The following KDM2B variants were observed in gnomAD, a reference collection of about 807,000 sequenced individuals.
The protein encoded by KDM2B is lysine-specific demethylase 2B.
In KDM2B, 26 loss-of-function variants were observed where a neutral mutation model predicts 150.0. The observed-to-expected ratio is 0.17, with a 90% CI of 0.13 to 0.24. The LOEUF (loss-of-function observed/expected upper bound fraction) is 0.24. KDM2B is among the 10% of genes least tolerant of loss of function. The pLI is 1.00. For missense variants in KDM2B, 1,265 were observed against 1,816.9 expected, an observed-to-expected ratio of 0.70 and a Z score of 5.52; for synonymous variants, 734 against 729.5, an observed-to-expected ratio of 1.01 and a Z score of -0.10.
chr12:121,443,438 AG>A (rs1875543627), intron 17 of KDM2B: 2 of 588,258 alleles, frequency 3.4e-6, no homozygotes, highest in Non-Finnish European at 6.0e-6. Context: ...TGGGTGGAGC[AG>A]GGCCACCAGG....
At chr12:121,534,678 G>T (rs1397542352) in intron 6 of KDM2B, 88 bp from the exon 7 acceptor site, 38 of 920,638 alleles carry the variant, frequency 4.1e-5, no homozygotes, top group Admixed American at 1.6e-4. Context: ...CTGAACTGGT[G>T]CCCTTTTATA....
chr12:121,494,522 C>T (rs1883703156), intron 12 of KDM2B, 57 bp downstream of exon 12: 6 of 1,391,668 alleles, frequency 4.3e-6, no homozygotes, highest in East Asian at 2.4e-5. Flanking sequence ...GTTCACCCTA[C>T]AGGAGGTGGG....
Position 121,521,042 on chromosome 12 carries a change from C to T in KDM2B, c.990G>A (p.Leu330=). Residue 330 remains leucine (L), a synonymous_variant, in exon 9 of 23, where the codon CTG becomes CTA. Transcript: ENST00000377071. The surrounding 1 kb of genome is among the most constrained non-coding windows in gnomAD (Gnocchi z 4.9). ...GCTGCATGGGCACGTTAAAGCTGTG[C>T]AGGATGTTTCCGCCGAACACCAAAG... The part of the protein sequence containing the change: ...VDSLVFGGNI[L]HSFNVPMQLR... 1 of 1,614,078 alleles carries T rather than the reference C, an allele frequency of 6.2e-7. No homozygotes were observed. Among genetic ancestry groups the T allele is most frequent in the Non-Finnish European group, 8.5e-7 (1 of 1,180,000 alleles).
intron 11 of KDM2B, among the ~76,000 whole-genome samples, chr12:121,495,643 C>T (rs1192907918): frequency 6.6e-6 from 1 of 152,134 alleles, no homozygotes; most frequent in Middle Eastern, 3.2e-3. Flanking sequence ...GGTGGCACTA[C>T]GGATCCTCTA....
Position 121,442,543 on chromosome 12 carries a change from G to C in KDM2B, c.2898C>G (p.Ala966=). ...HEIQRTENSL[A]NENQQPIKSE... is the part of the protein sequence containing the mutation. ...ACTTGATGGGCTGCTGGTTCTCGTT[G>C]GCCAGGCTGTTCTCCGTCCTCTGGA... is the stretch of plus-strand genomic sequence containing the variant. The change falls in exon 19 of 23, where the codon GCC becomes GCG. Residue 966 remains alanine, a synonymous_variant. Coordinates refer to ENST00000377071, the MANE Select transcript of KDM2B (RefSeq NM_032590.5). The surrounding 1 kb of genome is among the most constrained non-coding windows in gnomAD (Gnocchi z 7.7). The C allele has an allele frequency of 6.3e-7, 1 of 1,599,974 alleles. No individual in the cohort carries two copies. The highest frequency in any genetic ancestry group is 8.5e-7 in the Non-Finnish European group (1 of 1,179,878).
intron 8 of KDM2B, among the ~76,000 whole-genome samples, chr12:121,522,919 C>T (rs1886816299): frequency 6.6e-6 from 1 of 152,226 alleles, no homozygotes; most frequent in African/African-American, 2.4e-5. Flanking sequence ...CCCGGGAAGT[C>T]GGGCTCTGCA....
intron 4 of KDM2B, among the ~76,000 whole-genome samples, chr12:121,572,531 G>GC (rs1371559693): frequency 5.3e-5 from 8 of 152,112 alleles, no homozygotes; most frequent in Admixed American, 2.0e-4. Context: ...CTGTTCAAAT[G>GC]CCCCCCTTCA....
Position 121,513,795 on chromosome 12 carries a change from G to A in KDM2B, c.1048-393C>T, listed in dbSNP as rs1885797199. Among the ~76,000 whole-genome samples, 1 of 152,178 alleles carries A rather than the reference G, an allele frequency of 6.6e-6. No homozygotes were observed. Among genetic ancestry groups the A allele is most frequent in the African/African-American group, 2.4e-5 (1 of 41,424 alleles). On this transcript the variant is annotated intron_variant, in intron 9 of 22. Coordinates refer to ENST00000377071, the MANE Select transcript of KDM2B (RefSeq NM_032590.5). The surrounding 1 kb of genome is among the most constrained non-coding windows in gnomAD (Gnocchi z 5.0). The stretch of plus-strand genomic sequence containing the variant: ...CAGACATAGGTTCCTCCTTGTTTCT[G>A]AAAATTCCTGCACAGATTCTGCTGT...
chr12:121,504,199 G>A (rs1411733550), intron 11 of KDM2B, among the ~76,000 whole-genome samples: 1 of 152,066 alleles, frequency 6.6e-6, no homozygotes, highest in Non-Finnish European at 1.5e-5. Context: ...CAGTCTCCCA[G>A]GTAGAGGTGC....
intron 21 of KDM2B, 138 bp downstream of exon 21, chr12:121,440,678 G>C: frequency 1.2e-6 from 1 of 867,804 alleles, no homozygotes; most frequent in Admixed American, 2.7e-5. Flanking sequence ...CTCTGTGCCT[G>C]AAGCAAACTG....
rs2136728874 is a variant in KDM2B, at chr12:121,579,873, A to G, written c.126+913T>C. The G allele has an allele frequency of 2.1e-6, 3 of 1,419,028 alleles. No homozygotes were observed. In the East Asian group the frequency reaches 6.9e-5, roughly 33 times the overall value. 87.9% of individuals were successfully genotyped at this position (1,419,028 alleles called of 1,614,324 possible). Reference sequence around the variant, plus strand: ...AGCAGCTTGCTTCCTTTTGCATGCAATTTATTATATTTTTTTCCCGGTCCT... The same window carrying G: ...AGCAGCTTGCTTCCTTTTGCATGCAGTTTATTATATTTTTTTCCCGGTCCT... On this transcript the variant is annotated intron_variant, in intron 1 of 22. Coordinates refer to ENST00000377071, the MANE Select transcript of KDM2B (RefSeq NM_032590.5).
At position 121,575,740 on chromosome 12, in the gene KDM2B, G is replaced by T; in HGVS notation, c.350+41C>A. ...ATCCCAAGCTATAAAGTATGTTAGG[G>T]AGGAAGACGGGGGAAGGAGTGATTA... is the stretch of plus-strand genomic sequence containing the variant. On this transcript the variant is annotated intron_variant, in intron 3 of 22. Coordinates refer to ENST00000377071, the MANE Select transcript of KDM2B (RefSeq NM_032590.5). This position sits in a 1 kb window ranked among gnomAD's most constrained non-coding sequence, Gnocchi z 4.4. The T allele has an allele frequency of 7.4e-7, 1 of 1,357,288 alleles. No homozygotes were observed. The highest frequency in any genetic ancestry group is 1.1e-6 in the Non-Finnish European group (1 of 945,660). 84.1% of individuals were successfully genotyped at this position (1,357,288 alleles called of 1,614,324 possible).
intron 22 of KDM2B, among the ~76,000 whole-genome samples, chr12:121,435,405 G>A (rs1873823660): frequency 6.6e-6 from 1 of 152,174 alleles, no homozygotes; most frequent in Non-Finnish European, 1.5e-5. Context: ...AAGCAGAAAA[G>A]AATGATTATT....
intron 6 of KDM2B, among the ~76,000 whole-genome samples, chr12:121,547,911 G>C (rs573684435): frequency 6.6e-6 from 1 of 152,078 alleles, no homozygotes; most frequent in African/African-American, 2.4e-5. Flanking sequence ...AAAGTGCTGG[G>C]ATTACAGGTG....
intron 9 of KDM2B, chr12:121,516,268 T>C (rs529794637): frequency 3.1e-6 from 1 of 322,288 alleles, no homozygotes; most frequent in African/African-American, 2.2e-5. Context: ...CCTGGGAATC[T>C]TTCTAAATTA....
At chr12:121,423,262 C>T in the KDM2B span, 3 of 652,454 alleles carry the variant, frequency 4.6e-6, no homozygotes, top group Non-Finnish European at 7.9e-6. This position sits in a 1 kb window ranked among gnomAD's most constrained non-coding sequence, Gnocchi z 4.3. Flanking sequence ...TCTTGTACAA[C>T]ACTGGGGTGG....
chr12:121,540,527 T>G (rs1888523508), intron 6 of KDM2B, among the ~76,000 whole-genome samples: 1 of 151,616 alleles, frequency 6.6e-6, no homozygotes, highest in African/African-American at 2.4e-5. Flanking sequence ...GGCAGGCGGA[T>G]CACCTGAGGT....
At chr12:121,484,208 T>A (rs1467363536) in intron 12 of KDM2B, among the ~76,000 whole-genome samples, 7 of 151,672 alleles carry the variant, frequency 4.6e-5, no homozygotes, top group Non-Finnish European at 1.0e-4. Context: ...CAGCAGTCCA[T>A]AAGGAGGGTG....
intron 12 of KDM2B, among the ~76,000 whole-genome samples, chr12:121,460,297 CATT>C (rs1342022729): frequency 2.0e-5 from 3 of 152,226 alleles, no homozygotes; most frequent in African/African-American, 4.8e-5. Context: ...AATGCAACAT[CATT>C]ATGATGACAT....
Sources: allele counts gnomAD v4.1 joint callset (sites outside exome capture counted in the v4.1 genomes callset), GRCh38; gene constraint gnomAD v4.1.1; non-coding constraint Gnocchi (gnomAD v3.1); transcripts MANE v1.5; gene names NCBI Gene and HGNC (gene_info 2026-07-23, HGNC 2026-07-21).